The following DMD variants were observed in gnomAD, a reference collection of about 807,000 sequenced individuals.
DMD encodes dystrophin.
Under a neutral mutation model 330.1 loss-of-function variants are expected in DMD, and 63 were observed. The ratio of observed to expected loss-of-function variants is 0.19; its 90% confidence interval spans 0.16 to 0.24. DMD has a LOEUF of 0.24. DMD is among the 10% of genes least tolerant of loss of function. DMD has a pLI of 1.00. For synonymous variants in DMD, 1,223 were observed against 959.8 expected, an observed-to-expected ratio of 1.27 and a Z score of -5.07; for missense variants, 3,344 against 2,684.1, an observed-to-expected ratio of 1.25 and a Z score of -5.43.
At chrX:32,834,866 A>G (rs751015003) in intron 4 of DMD, among the ~76,000 whole-genome samples, 1 of 111,462 alleles carries the variant, frequency 9.0e-6, no homozygotes, top group East Asian at 2.8e-4. Context: ...ATGAATCTTT[A>G]TAAAAGGGAT....
At chrX:32,178,160 G>A (rs2096912602) in intron 44 of DMD, among the ~76,000 whole-genome samples, 1 of 104,210 alleles carries the variant, frequency 9.6e-6, no homozygotes, top group African/African-American at 3.5e-5. Flanking sequence ...CCTACCTTAT[G>A]GCCAGAACAT....
intron 55 of DMD, among the ~76,000 whole-genome samples, chrX:31,607,471 A>C (rs976615875): frequency 1.8e-5 from 2 of 112,048 alleles, no homozygotes; most frequent in Non-Finnish European, 3.8e-5. Context: ...AATGCACTGC[A>C]TCTTCTCTTA....
intron 51 of DMD, among the ~76,000 whole-genome samples, chrX:31,731,853 G>A (rs1211807818): frequency 2.7e-5 from 3 of 110,913 alleles, no homozygotes; most frequent in African/African-American, 6.5e-5. Flanking sequence ...AGATTTCAAA[G>A]TTCATTTAAG....
intron 61 of DMD, among the ~76,000 whole-genome samples, chrX:31,336,383 C>T (rs996283578): frequency 8.9e-6 from 1 of 112,036 alleles, no homozygotes; most frequent in Non-Finnish European, 1.9e-5. Flanking sequence ...AGGACAGCCC[C>T]CAATAATTTT....
chrX:32,129,189 C>G (rs2096676060), intron 44 of DMD, among the ~76,000 whole-genome samples: 1 of 111,792 alleles, frequency 8.9e-6, no homozygotes, highest in Non-Finnish European at 1.9e-5. Context: ...TGCAGCATAA[C>G]TCTTGACTGC....
intron 62 of DMD, among the ~76,000 whole-genome samples, chrX:31,293,196 TCTG>T (rs1569519843): frequency 1.6e-3 from 75 of 47,335 alleles, no homozygotes; most frequent in African/African-American, 6.5e-3. Context: ...GTGTGTGTAG[TCTG>T]GTTTAGTGTG....
At chrX:32,720,411 T>C (rs1055870768) in intron 7 of DMD, among the ~76,000 whole-genome samples, 6 of 111,495 alleles carry the variant, frequency 5.4e-5, no homozygotes, top group Admixed American at 9.5e-5. Flanking sequence ...ACAATCGTTT[T>C]TTTACTTAGC....
At chrX:31,639,913 C>T (rs1381683894) in intron 54 of DMD, among the ~76,000 whole-genome samples, 1 of 110,827 alleles carries the variant, frequency 9.0e-6, no homozygotes, top group Non-Finnish European at 1.9e-5. Flanking sequence ...TACAGAGCCA[C>T]TGGGGAATCT....
chrX:32,604,031 G>T (rs917685452), intron 12 of DMD, among the ~76,000 whole-genome samples: 2 of 110,793 alleles, frequency 1.8e-5, no homozygotes, highest in Admixed American at 9.6e-5. Context: ...CCAAAGGCAG[G>T]TAAGGACACA....
At chrX:33,219,468 CA>C (rs368358220) in intron 1 of DMD, among the ~76,000 whole-genome samples, 4,678 of 62,631 alleles carry the variant, frequency 0.075, 258 homozygotes, top group African/African-American at 0.21. Context: ...TTCCACTGGA[CA>C]AAAAAAAAAA....
At chrX:32,874,290 AG>A (rs2149162126) in intron 2 of DMD, among the ~76,000 whole-genome samples, 1 of 112,210 alleles carries the variant, frequency 8.9e-6, no homozygotes, top group East Asian at 2.8e-4. Context: ...AGATTCCCCA[AG>A]GAAGTTTTCT....
chrX:33,025,895 C>A (rs1295821166), intron 1 of DMD, among the ~76,000 whole-genome samples: 1 of 111,149 alleles, frequency 9.0e-6, no homozygotes, highest in Non-Finnish European at 1.9e-5. Context: ...TCCTTGGGGG[C>A]TAGTTAATAT....
chrX:32,140,237 A>G (rs2096746029), intron 44 of DMD, among the ~76,000 whole-genome samples: 1 of 112,323 alleles, frequency 8.9e-6, no homozygotes, highest in Non-Finnish European at 1.9e-5. Context: ...CTTCTCTCAA[A>G]TGGAACTGAG....
intron 13 of DMD, among the ~76,000 whole-genome samples, chrX:32,581,122 G>T (rs2053609539): frequency 8.9e-6 from 1 of 112,097 alleles, no homozygotes; most frequent in African/African-American, 3.2e-5. Context: ...CACTGAGCAC[G>T]GGCTCCAAAA....
chrX:33,010,204 G>GTGTGTATATATGCATA, intron 2 of DMD, among the ~76,000 whole-genome samples: 1 of 89,725 alleles, frequency 1.1e-5, no homozygotes, highest in Non-Finnish European at 2.1e-5. Flanking sequence ...ATATGCATAT[G>GTGTGTATATATGCATA]TGTGTGTATA....
At chrX:32,313,249 G>A (rs953874811) in intron 41 of DMD, among the ~76,000 whole-genome samples, 1 of 110,529 alleles carries the variant, frequency 9.0e-6, no homozygotes, top group Non-Finnish European at 1.9e-5. Context: ...TTCAACATAC[G>A]CAAATCAATA....
chrX:33,205,856 A>G (rs2051540116), intron 1 of DMD, among the ~76,000 whole-genome samples: 1 of 111,785 alleles, frequency 8.9e-6, no homozygotes. Flanking sequence ...AGACTTCGTG[A>G]TATATATGTG....
At chrX:32,863,503 C>A (rs1413157874) in intron 2 of DMD, among the ~76,000 whole-genome samples, 1 of 69,268 alleles carries the variant, frequency 1.4e-5, no homozygotes, top group Non-Finnish European at 2.4e-5. Context: ...GAGTGAGACT[C>A]CGTCTCAAAA....
At chrX:31,860,468 G>A (rs753594497) in intron 48 of DMD, among the ~76,000 whole-genome samples, 4 of 111,510 alleles carry the variant, frequency 3.6e-5, no homozygotes, top group Non-Finnish European at 7.5e-5. Context: ...GCAGTGAGAG[G>A]GAACTGGTGT....
Sources: allele counts gnomAD v4.1 joint callset (sites outside exome capture counted in the v4.1 genomes callset), GRCh38; gene constraint gnomAD v4.1.1; transcripts MANE v1.5; gene names NCBI Gene and HGNC (gene_info 2026-07-23, HGNC 2026-07-21).